Variants in SEC22A observed in about 807,000 individuals in gnomAD.
The protein encoded by SEC22A is vesicle-trafficking protein SEC22a.
SEC22A carries 22 observed loss-of-function variants against 35.3 expected under a neutral mutation model. That is an observed-to-expected ratio of 0.62 (90% CI 0.45 to 0.89). The LOEUF (loss-of-function observed/expected upper bound fraction) is 0.89, where lower values mean the gene tolerates loss of function less well. Among genes scored for constraint, SEC22A ranks in the 40% least tolerant of loss-of-function variants. The pLI is 0.00. For synonymous variants in SEC22A, 119 were observed against 129.5 expected (o/e 0.92, Z 0.55); for missense variants, 354 against 362.5 (o/e 0.98, Z 0.19).
chr3:123,242,929 C>T (rs1271638064), intron 4 of SEC22A, among the ~76,000 whole-genome samples: 8 of 152,074 alleles, frequency 5.3e-5, no homozygotes, highest in Non-Finnish European at 1.0e-4. Context: ...CTTTACAACC[C>T]ATTAATAGAT....
rs900221740 is a variant in SEC22A, at chr3:123,271,493, A to G, written c.724-29A>G. On this transcript the variant is annotated intron_variant, in intron 6 of 6. Transcript: ENST00000492595. ...ATCTGTTTCTTTTCCTGTAACCCTA[A>G]TCATCTTTCATTTTTATATTTTGAA... The G allele has an allele frequency of 4.5e-6, 7 of 1,570,190 alleles. No individual in the cohort carries two copies. In the Admixed American group the frequency reaches 6.7e-5, roughly 15 times the overall value.
At chr3:123,262,621 G>T (rs1937918248) in intron 6 of SEC22A, among the ~76,000 whole-genome samples, 2 of 152,182 alleles carry the variant, frequency 1.3e-5, no homozygotes, top group East Asian at 1.9e-4. Flanking sequence ...AATAGGCTTT[G>T]TATTAGATGA....
intron 6 of SEC22A, among the ~76,000 whole-genome samples, chr3:123,269,217 A>AT (rs1938099889): frequency 1.0e-5 from 1 of 96,006 alleles, no homozygotes; most frequent in African/African-American, 4.1e-5. Context: ...GTGTGTGTGT[A>AT]TATATTACTG....
chr3:123,235,579 G>T (rs929611248), intron 4 of SEC22A, among the ~76,000 whole-genome samples: 3 of 152,216 alleles, frequency 2.0e-5, no homozygotes, highest in African/African-American at 4.8e-5. Context: ...TACTTTGCCA[G>T]TGGGGTTGTA....
Position 123,209,276 on chromosome 3 carries a change from C to T in SEC22A, c.59C>T (p.Ala20Val). ...IRVRDGLPLS[A>V]STDYEQSTGM... ...GTCAGAGATGGACTGCCACTTTCTGCTTCTACTGATTATGAACAAAGCACA... is the reference window on the plus strand; with the variant it reads ...GTCAGAGATGGACTGCCACTTTCTGTTTCTACTGATTATGAACAAAGCACA... The change falls in exon 2 of 7, where the codon GCT becomes GTT. Residue 20 changes from alanine (A) to valine (V), a missense_variant. Transcript: ENST00000492595. The T allele has an allele frequency of 1.2e-6, 2 of 1,614,080 alleles. No homozygotes were observed. The highest frequency in any genetic ancestry group is 1.3e-5 in the African/African-American group (1 of 75,032).
At chr3:123,210,595 C>T (rs1559750682) in intron 2 of SEC22A, among the ~76,000 whole-genome samples, 1 of 152,124 alleles carries the variant, frequency 6.6e-6, no homozygotes, top group Non-Finnish European at 1.5e-5. Context: ...CAAGTATAGA[C>T]ATTTAGATTT....
At chr3:123,242,410 A>AT (rs779851993) in intron 4 of SEC22A, among the ~76,000 whole-genome samples, 2 of 151,808 alleles carry the variant, frequency 1.3e-5, no homozygotes, top group African/African-American at 4.8e-5. Context: ...ATTTCTTTGA[A>AT]TTTTTTTCCC....
chr3:123,205,984 C>G (rs1936844934), intron 1 of SEC22A, among the ~76,000 whole-genome samples: 1 of 152,192 alleles, frequency 6.6e-6, no homozygotes, highest in Admixed American at 6.5e-5. Flanking sequence ...ATTTATTGAT[C>G]TGTCCTCCAA....
rs776470666 is a variant in SEC22A, at chr3:123,271,669, C to G, written c.871C>G (p.Leu291Val). 6.2e-7 allele frequency: 1 copy of G among 1,614,190 alleles called. No homozygotes were observed. Among genetic ancestry groups the G allele is most frequent in the Non-Finnish European group, 8.5e-7 (1 of 1,180,026 alleles). Residue 291 changes from leucine (L) to valine (V), a missense_variant, in exon 7 of 7, where the codon CTA becomes GTA. By Grantham distance (32) the Leu-to-Val change is conservative. Coordinates refer to ENST00000492595, the MANE Select transcript of SEC22A (RefSeq NM_012430.5). Reference protein sequence around the residue: ...FHVTVGAFVTLQIWLRQAQGK... With the variant: ...FHVTVGAFVTVQIWLRQAQGK... Reference sequence around the variant, plus strand: ...TGTGACTGTGGGAGCATTTGTTACACTACAGATCTGGCTAAGGCAAGCCCA... The same window carrying G: ...TGTGACTGTGGGAGCATTTGTTACAGTACAGATCTGGCTAAGGCAAGCCCA...
intron 5 of SEC22A, among the ~76,000 whole-genome samples, chr3:123,246,636 A>T (rs1052719226): frequency 4.6e-5 from 7 of 152,218 alleles, no homozygotes; most frequent in Non-Finnish European, 1.0e-4. Context: ...CTATCAGAAT[A>T]TACTAATTTT....
intron 4 of SEC22A, 29 bp from the exon 5 acceptor site, chr3:123,245,870 C>A: frequency 3.1e-6 from 4 of 1,294,290 alleles, no homozygotes; most frequent in South Asian, 2.4e-5. Context: ...TATTGGTGTT[C>A]ATTTCTAACT....
chr3:123,215,108 CATT>C (rs1351785998), intron 2 of SEC22A, among the ~76,000 whole-genome samples: 1 of 152,222 alleles, frequency 6.6e-6, no homozygotes, highest in East Asian at 1.9e-4. Context: ...ACTTTACTGA[CATT>C]ATCATTAAGC....
At chr3:123,215,715 G>A (rs9990419) in intron 2 of SEC22A, among the ~76,000 whole-genome samples, 29,727 of 151,908 alleles carry the variant, frequency 0.2, 2,980 homozygotes, top group Middle Eastern at 0.28. Context: ...TTCAGGCATC[G>A]CATTATTATC....
At chr3:123,240,342 AT>A (rs1164589179) in intron 4 of SEC22A, among the ~76,000 whole-genome samples, 1 of 152,036 alleles carries the variant, frequency 6.6e-6, no homozygotes, top group Non-Finnish European at 1.5e-5. Flanking sequence ...GACTGTTTTT[AT>A]TTTTTTCCAC....
intron 4 of SEC22A, among the ~76,000 whole-genome samples, chr3:123,240,470 T>G (rs1245842433): frequency 2.0e-5 from 3 of 152,224 alleles, no homozygotes; most frequent in Non-Finnish European, 4.4e-5. Context: ...GTCTCAGTAA[T>G]TTGTTCCTTT....
chr3:123,236,605 C>G (rs769487521), intron 4 of SEC22A, among the ~76,000 whole-genome samples: 2 of 151,846 alleles, frequency 1.3e-5, no homozygotes, highest in Non-Finnish European at 2.9e-5. Flanking sequence ...ATATTGTTCT[C>G]TAAAATTGGA....
rs557054754 is a variant in SEC22A at position 123,222,424 on chromosome 3, C to T, written c.183-1135C>T. Among the ~76,000 whole-genome samples, 18 of 152,210 alleles carry T rather than the reference C, an allele frequency of 1.2e-4. No homozygotes were observed. The South Asian group carries it at 3.7e-3, about 32-fold the overall frequency. On this transcript the variant is annotated intron_variant, in intron 2 of 6. Coordinates refer to ENST00000492595, the MANE Select transcript of SEC22A (RefSeq NM_012430.5). ...ATGTTGGCCAGGCTGGTCTCAAGTT[C>T]CTGACCTCAGATGATCCGCCCACCT...
intron 5 of SEC22A, among the ~76,000 whole-genome samples, chr3:123,252,065 T>C (rs1459391030): frequency 6.6e-6 from 1 of 152,214 alleles, no homozygotes; most frequent in Non-Finnish European, 1.5e-5. Flanking sequence ...AGTACATCCT[T>C]AGCCCGACTT....
At chr3:123,231,448 T>A (rs1229863107) in intron 4 of SEC22A, among the ~76,000 whole-genome samples, 1 of 152,116 alleles carries the variant, frequency 6.6e-6, no homozygotes, top group Non-Finnish European at 1.5e-5. Context: ...CCTTCATAAA[T>A]TTAAAAGGAT....
Sources: gnomAD v4.1 joint callset for allele counts (sites outside exome capture counted in the v4.1 genomes callset) on GRCh38, gnomAD v4.1.1 for gene constraint, MANE v1.5 for transcripts, NCBI Gene and HGNC (gene_info 2026-07-23, HGNC 2026-07-21) for gene names.